The following RAB11FIP3 variants were observed in gnomAD, a reference collection of about 807,000 sequenced individuals.
RAB11FIP3 encodes the protein RAB11 family interacting protein 3, also known as rab11 family-interacting protein 3.
In RAB11FIP3, 17 loss-of-function variants were observed where a neutral mutation model predicts 77.8. That is an observed-to-expected ratio of 0.22 (90% CI 0.15 to 0.33). The LOEUF (loss-of-function observed/expected upper bound fraction) is 0.33, where lower values mean the gene tolerates loss of function less well. Among genes scored for constraint, RAB11FIP3 ranks in the 10% least tolerant of loss-of-function variants. RAB11FIP3 has a pLI of 1.00. For missense variants in RAB11FIP3, 1,005 were observed against 1,011.2 expected, an observed-to-expected ratio of 0.99 and a Z score of 0.08; for synonymous variants, 437 against 448.2, an observed-to-expected ratio of 0.98 and a Z score of 0.31.
Position 461,325 on chromosome 16 carries a change from C to A in RAB11FIP3, c.715-79C>A, listed in dbSNP as rs973351238. 6 of 1,122,468 alleles carry A rather than the reference C, an allele frequency of 5.3e-6. No individual in the cohort carries two copies. The highest frequency in any genetic ancestry group is 2.0e-4 in the Middle Eastern group (1 of 4,956). The allele number at this position is 1,122,468 out of a possible 1,614,324, so 69.5% of individuals were successfully genotyped here. On this transcript the variant is annotated intron_variant, in intron 1 of 13. Transcript: ENST00000262305. The surrounding 1 kb of genome is among the most constrained non-coding windows in gnomAD (Gnocchi z 4.5). ...GTTCCCAGCAGGCCACACACCAGAT[C>A]TCTCCCAGTCCGAGGTCCAGGGTTG...
intron 2 of RAB11FIP3, among the ~76,000 whole-genome samples, chr16:464,753 C>T (rs2055673302): frequency 6.6e-6 from 1 of 152,132 alleles, no homozygotes; most frequent in Non-Finnish European, 1.5e-5. Flanking sequence ...AGTAGTTGAG[C>T]ATTGTGGCGT....
At chr16:435,598 A>G (rs1414650603) in intron 1 of RAB11FIP3, among the ~76,000 whole-genome samples, 1 of 152,214 alleles carries the variant, frequency 6.6e-6, no homozygotes. Flanking sequence ...GTTGGGAGAT[A>G]TGAGTGTGTA....
intron 5 of RAB11FIP3, chr16:491,364 G>A: frequency 1.7e-6 from 2 of 1,210,924 alleles, no homozygotes; most frequent in Non-Finnish European, 2.1e-6. Flanking sequence ...GAGGCGACCA[G>A]GAGCCTCTCA....
Position 458,572 on chromosome 16 carries a change from C to G in RAB11FIP3, c.715-2832C>G, listed in dbSNP as rs8059082. Among the ~76,000 whole-genome samples, 22 of 96,350 alleles carry G rather than the reference C, an allele frequency of 2.3e-4. No individual in the cohort carries two copies. In the East Asian group the frequency reaches 4.8e-3, roughly 21 times the overall value. 63.2% of individuals were successfully genotyped at this position (96,350 alleles called of 152,430 possible). A position where few individuals can be genotyped will look rare whatever the true frequency, so the allele number is the denominator to read the frequency against. On this transcript the variant is annotated intron_variant, in intron 1 of 13. Coordinates refer to ENST00000262305, the MANE Select transcript of RAB11FIP3 (RefSeq NM_014700.4). ...GCCTGGGGGGCCTTCCTCGGGTTCA[C>G]CGATGCCCACAGGGCCTGGGGGGCC...
chr16:426,821 G>A lies in RAB11FIP3; in HGVS notation c.714+101G>A. The A allele has an allele frequency of 1.0e-6, 1 of 999,530 alleles. No individual in the cohort carries two copies. The highest frequency in any genetic ancestry group is 1.4e-6 in the Non-Finnish European group (1 of 707,414). 61.9% of individuals were successfully genotyped at this position (999,530 alleles called of 1,614,324 possible). On this transcript the variant is annotated intron_variant, in intron 1 of 13. Coordinates refer to ENST00000262305, the MANE Select transcript of RAB11FIP3 (RefSeq NM_014700.4). This position sits in a 1 kb window ranked among gnomAD's most constrained non-coding sequence, Gnocchi z 5.0. Reference sequence around the variant, plus strand: ...CGACGCTGCCCCTGGAGTCGGGAAAGGCACTGTCAAGACCTGACGGTCCTG... The same window carrying A: ...CGACGCTGCCCCTGGAGTCGGGAAAAGCACTGTCAAGACCTGACGGTCCTG...
chr16:426,110 G>A lies in RAB11FIP3; in HGVS notation c.104G>A (p.Gly35Asp), dbSNP rs1243527699. 2 of 1,006,824 alleles carry A rather than the reference G, an allele frequency of 2.0e-6. No individual in the cohort carries two copies. The highest frequency in any genetic ancestry group is 2.4e-6 in the Non-Finnish European group (2 of 845,570). 62.4% of individuals were successfully genotyped at this position (1,006,824 alleles called of 1,614,324 possible). A position where few individuals can be genotyped will look rare whatever the true frequency, so the allele number is the denominator to read the frequency against. Reference protein sequence around the residue: ...DGPGAAQLAPGPAELRLGAPV... With the variant: ...DGPGAAQLAPDPAELRLGAPV... ...CCGGGGGCGGCACAACTGGCTCCGGGCCCTGCGGAGCTACGCCTCGGAGCG... is the reference window on the plus strand; with the variant it reads ...CCGGGGGCGGCACAACTGGCTCCGGACCCTGCGGAGCTACGCCTCGGAGCG... Residue 35 changes from glycine (G) to aspartate (D), a missense_variant, in exon 1 of 14, where the codon GGC becomes GAC. Around this residue, in one of 4 missense-constraint regions of RAB11FIP3, gnomAD observed 466 missense variants for 408.3 expected, o/e 1.14. Coordinates refer to ENST00000262305, the MANE Select transcript of RAB11FIP3 (RefSeq NM_014700.4). The surrounding 1 kb of genome is among the most constrained non-coding windows in gnomAD (Gnocchi z 5.0).
chr16:502,142 C>T (rs1286662827), intron 6 of RAB11FIP3, among the ~76,000 whole-genome samples: 1 of 152,272 alleles, frequency 6.6e-6, no homozygotes, highest in Non-Finnish European at 1.5e-5. Context: ...GCTGTTGGCT[C>T]TTCTGTGCGA....
intron 1 of RAB11FIP3, among the ~76,000 whole-genome samples, chr16:460,209 A>G (rs1335076956): frequency 2.0e-5 from 3 of 152,178 alleles, no homozygotes; most frequent in Non-Finnish European, 2.9e-5. Context: ...AGATTTCCTT[A>G]TATATTCTGG....
intron 1 of RAB11FIP3, among the ~76,000 whole-genome samples, chr16:445,068 C>T (rs2055289034): frequency 7.3e-6 from 1 of 137,642 alleles, no homozygotes; most frequent in Non-Finnish European, 1.5e-5. Flanking sequence ...GAGCCGAGAT[C>T]TCACCACTGC....
chr16:463,714 A>T (rs1400855552), intron 2 of RAB11FIP3, among the ~76,000 whole-genome samples: 17 of 152,160 alleles, frequency 1.1e-4, no homozygotes. Context: ...CTGGGGTTAC[A>T]GACATGAGCC....
chr16:482,573 A>G lies in RAB11FIP3; in HGVS notation c.952A>G (p.Ser318Gly), dbSNP rs760715364. The G allele has an allele frequency of 6.2e-7, 1 of 1,613,626 alleles. No individual in the cohort carries two copies. Among genetic ancestry groups the G allele is most frequent in the Non-Finnish European group, 8.5e-7 (1 of 1,180,030 alleles). The change falls in exon 4 of 14, where the codon AGT becomes GGT. Residue 318 changes from serine (S) to glycine (G), a missense_variant. Transcript: ENST00000262305. Reference protein sequence around the residue: ...SAYMGSESTYSECETFTDEDT... With the variant: ...SAYMGSESTYGECETFTDEDT... ...GTACATGGGCTCCGAGAGCACCTAC[A>G]GTGAGTGTGAGACCTTCACGGACGA...
At chr16:493,263 A>G (rs1328595411) in intron 5 of RAB11FIP3, among the ~76,000 whole-genome samples, 1 of 151,974 alleles carries the variant, frequency 6.6e-6, no homozygotes, top group Non-Finnish European at 1.5e-5. Context: ...AAAAAAAAAA[A>G]AAAAAAAAGA....
rs1280144640 is a variant in RAB11FIP3, at chr16:510,762, G to A, written c.1602G>A (p.Glu534=). The A allele has an allele frequency of 6.2e-7, 1 of 1,613,304 alleles. No homozygotes were observed. Among genetic ancestry groups the A allele is most frequent in the Non-Finnish European group, 8.5e-7 (1 of 1,179,844 alleles). The change falls in exon 9 of 14, where the codon GAG becomes GAA. Residue 534 remains glutamate, a synonymous_variant. Coordinates refer to ENST00000262305, the MANE Select transcript of RAB11FIP3 (RefSeq NM_014700.4). ...RRQKELLCKM[E]REKSIEIENL... ...AGAAGGAGCTCCTGTGCAAGATGGA[G>A]AGGGAGAAGAGCATTGAGATCGAGA...
chr16:518,978 G>A lies in RAB11FIP3; in HGVS notation c.1676G>A (p.Arg559Gln), dbSNP rs762905528. ...QQLDEENSELRSCTPCLKANI... is the reference protein window; with the variant it reads ...QQLDEENSELQSCTPCLKANI... ...CTGGACGAGGAGAACAGTGAACTCC[G>A]GTCCTGCACGCCCTGTCTGAAGGCC... Residue 559 changes from arginine to glutamine, a missense_variant, in exon 10 of 14, where the codon CGG (arginine) becomes CAG (glutamine). By Grantham distance (43) the Arg-to-Gln change is conservative (BLOSUM62 1). This residue lies in a region of RAB11FIP3 where 433 missense variants were observed against 436.1 expected (regional missense o/e 0.99). Coordinates refer to ENST00000262305, the MANE Select transcript of RAB11FIP3 (RefSeq NM_014700.4). 8.7e-6 allele frequency: 14 copies of A among 1,613,576 alleles called. No individual in the cohort carries two copies. The highest frequency in any genetic ancestry group is 4.0e-5 in the African/African-American group (3 of 74,952).
chr16:465,489 A>G (rs892096161), intron 2 of RAB11FIP3, among the ~76,000 whole-genome samples: 8 of 152,256 alleles, frequency 5.3e-5, no homozygotes, highest in African/African-American at 1.9e-4. Context: ...GAGGAGGGAA[A>G]ATGGGGCAGG....
intron 1 of RAB11FIP3, among the ~76,000 whole-genome samples, chr16:454,022 C>T (rs545426355): frequency 1.1e-3 from 171 of 152,202 alleles, no homozygotes; most frequent in Admixed American, 3.4e-3. Context: ...ATAAACACAC[C>T]GTAGCTTTTA....
chr16:489,571 C>T (rs1158083010), intron 5 of RAB11FIP3, among the ~76,000 whole-genome samples: 1 of 152,142 alleles, frequency 6.6e-6, no homozygotes, highest in Admixed American at 6.5e-5. Flanking sequence ...GTCAGTCCCT[C>T]TAGGACGCTC....
chr16:496,909 A>T (rs1244492289), intron 6 of RAB11FIP3, 50 bp downstream of exon 6: 1 of 1,473,950 alleles, frequency 6.8e-7, no homozygotes, highest in African/African-American at 1.4e-5. Context: ...GTGGATAATT[A>T]ATCATAGTTT....
intron 6 of RAB11FIP3, among the ~76,000 whole-genome samples, chr16:499,607 C>G (rs2031375499): frequency 6.6e-6 from 1 of 152,026 alleles, no homozygotes; most frequent in Non-Finnish European, 1.5e-5. Flanking sequence ...AACAGCCTGA[C>G]CAACATGGTG....
Sources: gnomAD v4.1 joint callset for allele counts (sites outside exome capture counted in the v4.1 genomes callset) on GRCh38, gnomAD v4.1.1 for gene constraint, gnomAD v4.1.1 regional missense constraint, Gnocchi (gnomAD v3.1) non-coding constraint, MANE v1.5 for transcripts, NCBI Gene and HGNC (gene_info 2026-07-23, HGNC 2026-07-21) for gene names.